Variants in NAV3 observed in about 807,000 individuals in gnomAD.
NAV3 encodes the protein pore membrane and/or filament interacting like protein 1.
NAV3 carries 87 observed loss-of-function variants against 244.7 expected under a neutral mutation model. The ratio of observed to expected loss-of-function variants is 0.36; its 90% CI spans 0.30 to 0.42. The LOEUF is 0.42. NAV3 is among the 20% of genes least tolerant of loss of function. The pLI is 1.00. For synonymous variants in NAV3, 1,126 were observed against 1,042.2 expected (o/e 1.08, Z -1.55); for missense variants, 2,663 against 2,893.3 (o/e 0.92, Z 1.83).
At chr12:78,060,688 T>G (rs1884200737) in intron 12 of NAV3, among the ~76,000 whole-genome samples, 1 of 152,080 alleles carries the variant, frequency 6.6e-6, no homozygotes, top group Admixed American at 6.6e-5. Context: ...CAGAAAGAAC[T>G]AAGGTACTAC....
intron 3 of NAV3, among the ~76,000 whole-genome samples, chr12:77,948,336 G>A (rs960597117): frequency 2.6e-5 from 4 of 151,908 alleles, no homozygotes; most frequent in South Asian, 2.1e-4. Context: ...ATAAAGTAAC[G>A]GTTTGAATTA....
chr12:77,889,513 T>C (rs1272415109), intron 1 of NAV3, among the ~76,000 whole-genome samples: 1 of 152,180 alleles, frequency 6.6e-6, no homozygotes, highest in Non-Finnish European at 1.5e-5. Context: ...GGACAATTAA[T>C]GGAAATGTGA....
intron 1 of NAV3, among the ~76,000 whole-genome samples, chr12:77,895,031 T>C (rs2619062): frequency 0.47 from 71,689 of 151,792 alleles, 17,195 homozygotes; most frequent in East Asian, 0.54. Flanking sequence ...AGGAGTAACT[T>C]ATTAAAATAT....
At chr12:77,712,423 T>C (rs1462838196) in intron 2 of NAV3, among the ~76,000 whole-genome samples, 1 of 152,194 alleles carries the variant, frequency 6.6e-6, no homozygotes, top group Non-Finnish European at 1.5e-5. Context: ...TGAAATCTAT[T>C]GGAGACCCTA....
At chr12:78,160,378 AGTGTGTGTGTGTGTGTGTGTGCGTGC>A (rs1223875890) in intron 23 of NAV3, among the ~76,000 whole-genome samples, 1 of 134,024 alleles carries the variant, frequency 7.5e-6, no homozygotes, top group Non-Finnish European at 1.6e-5. Context: ...AATTCTATGG[AGTGTGTGTGTGTGTGTGTGTGCGTGC>A]GTGTGTGTGT....
At chr12:77,735,946 T>G (rs1877316366) in intron 2 of NAV3, among the ~76,000 whole-genome samples, 1 of 152,222 alleles carries the variant, frequency 6.6e-6, no homozygotes, top group Non-Finnish European at 1.5e-5. Context: ...CTTTCTGATG[T>G]CTGCATTTCC....
intron 1 of NAV3, among the ~76,000 whole-genome samples, chr12:77,879,491 T>C (rs952262714): frequency 6.6e-6 from 1 of 151,664 alleles, no homozygotes; most frequent in African/African-American, 2.4e-5. Flanking sequence ...CATGGCCAAC[T>C]TGGAGAAATC....
At chr12:77,996,976 C>T (rs1269230530) in intron 6 of NAV3, among the ~76,000 whole-genome samples, 1 of 152,078 alleles carries the variant, frequency 6.6e-6, no homozygotes, top group Non-Finnish European at 1.5e-5. Flanking sequence ...GACACGGTGG[C>T]TCACGCCTGT....
chr12:77,634,740 AT>A (rs565739616), intron 2 of NAV3, among the ~76,000 whole-genome samples: 52 of 152,102 alleles, frequency 3.4e-4, no homozygotes, highest in Non-Finnish European at 6.0e-4. Flanking sequence ...TTCAGTGGTA[AT>A]TTTTTTAATT....
At chr12:77,657,728 A>T (rs1023174945) in intron 2 of NAV3, among the ~76,000 whole-genome samples, 5 of 152,210 alleles carry the variant, frequency 3.3e-5, no homozygotes, top group African/African-American at 1.2e-4. Flanking sequence ...GGCAAACTGA[A>T]TCCAGCAGCA....
Position 77,861,268 on chromosome 12 carries a change from C to T in NAV3, c.243+29564C>T, listed in dbSNP as rs116348343. Among the ~76,000 whole-genome samples the T allele has an allele frequency of 7.4e-3, 1,125 of 151,794 alleles. 12 individuals are homozygous for T. The highest frequency in any genetic ancestry group is 0.024 in the African/African-American group (989 of 41,470). On this transcript the variant is annotated intron_variant, in intron 1 of 39. Coordinates refer to ENST00000397909, the MANE Select transcript of NAV3 (RefSeq NM_001024383.2). The stretch of plus-strand genomic sequence containing the variant: ...CTATTTGTACAGATGATTATATGCA[C>T]CCATCTACATGACCCTCTCTTGCTT...
chr12:77,916,516 T>G (rs1458562328), intron 1 of NAV3, among the ~76,000 whole-genome samples: 2 of 134,360 alleles, frequency 1.5e-5, no homozygotes, highest in African/African-American at 6.1e-5. Flanking sequence ...GGGAGGGGAG[T>G]GGCACGTTTT....
chr12:77,978,396 G>A (rs946937862), intron 5 of NAV3, among the ~76,000 whole-genome samples: 8 of 152,034 alleles, frequency 5.3e-5, no homozygotes, highest in African/African-American at 1.9e-4. Flanking sequence ...TCAAACACTA[G>A]AAATTTGATT....
At chr12:77,974,647 C>T (rs1241081691) in intron 5 of NAV3, among the ~76,000 whole-genome samples, 1 of 152,098 alleles carries the variant, frequency 6.6e-6, no homozygotes, top group Non-Finnish European at 1.5e-5. Flanking sequence ...GATTAAACAT[C>T]TTGCTATATT....
chr12:77,972,090 A>G (rs1314749687), intron 5 of NAV3, among the ~76,000 whole-genome samples: 2 of 152,212 alleles, frequency 1.3e-5, no homozygotes, highest in Non-Finnish European at 2.9e-5. Context: ...AGAATAGAGT[A>G]AGAAATTCTG....
rs1266730180 is a variant in NAV3, at chr12:77,766,746, T to G, written c.73-173573T>G. On this transcript the variant is annotated intron_variant, in intron 2 of 8. Coordinates refer to the NAV3 transcript ENST00000550042. ...AAACAGGCAATTAAGTTTTTTTTTT[T>G]TTTTTTTTTTTTTTTTTTTTTTTTT... 6.2e-4 allele frequency among the ~76,000 whole-genome samples: 17 copies of G among 27,636 alleles called. 2 individuals carry two copies. In the South Asian group the frequency reaches 9.9e-3, roughly 16 times the overall value. The allele number at this position is 27,636 out of a possible 152,430, so 18.1% of individuals were successfully genotyped here. A position where few individuals can be genotyped will look rare whatever the true frequency, so the allele number is the denominator to read the frequency against.
chr12:78,126,277 A>G (rs1431316074), intron 16 of NAV3, among the ~76,000 whole-genome samples: 7 of 152,198 alleles, frequency 4.6e-5, no homozygotes, highest in Non-Finnish European at 7.4e-5. Flanking sequence ...CATTCATGTT[A>G]TATCATCCCC....
rs573969100 is a variant in NAV3 at position 78,098,333 on chromosome 12, A to G, written c.2637-18439A>G. 5.9e-5 allele frequency among the ~76,000 whole-genome samples: 9 copies of G among 152,140 alleles called. No individual in the cohort carries two copies. In the East Asian group the frequency reaches 1.5e-3, roughly 26 times the overall value. On this transcript the variant is annotated intron_variant, in intron 12 of 39. Transcript: ENST00000397909. ...AAGTTGTAGGCTGTCTTTAAAAATA[A>G]TCTCTCCACACACTGTAGTATTTAA...
intron 11 of NAV3, among the ~76,000 whole-genome samples, chr12:78,055,085 T>A (rs1156427444): frequency 6.6e-6 from 1 of 152,200 alleles, no homozygotes; most frequent in African/African-American, 2.4e-5. Context: ...GTTCATCCTA[T>A]GTGTCAAGCA....
Sources: gnomAD v4.1 joint callset for allele counts (sites outside exome capture counted in the v4.1 genomes callset) on GRCh38, gnomAD v4.1.1 for gene constraint, MANE v1.5 for transcripts, NCBI Gene and HGNC (gene_info 2026-07-23, HGNC 2026-07-21) for gene names.